SHC4: variants seen among roughly 807,000 people sequenced by gnomAD.
SHC4 encodes the protein SHC adaptor protein 4.
A neutral mutation model predicts 69.4 loss-of-function variants in SHC4; 41 were observed. That is an observed-to-expected ratio of 0.59 (90% CI 0.46 to 0.77). SHC4 has a LOEUF of 0.77. SHC4 is among the 30% of genes least tolerant of loss of function. The pLI is 0.00. For missense variants in SHC4, 777 were observed against 783.8 expected, an observed-to-expected ratio of 0.99 and a Z score of 0.10; for synonymous variants, 318 against 299.3, an observed-to-expected ratio of 1.06 and a Z score of -0.64.
intron 2 of SHC4, among the ~76,000 whole-genome samples, chr15:48,892,861 CT>C (rs67195455): frequency 0.081 from 8,912 of 110,128 alleles, 546 homozygotes; most frequent in East Asian, 0.29. Flanking sequence ...AAAACTCCGT[CT>C]CAAAAAAAAA....
intron 4 of SHC4, among the ~76,000 whole-genome samples, chr15:48,880,844 T>A (rs1899925528): frequency 6.6e-6 from 1 of 152,146 alleles, no homozygotes; most frequent in Non-Finnish European, 1.5e-5. Context: ...CAAACCAGAC[T>A]ACTTGGTTAA....
rs555393362 is a variant in SHC4 at position 48,937,550 on chromosome 15, A to G, written c.586-12601T>C. Reference sequence around the variant, plus strand: ...GGGAGACTCATGCCTTGCATATATTATATATAGAAGATAGTACTCTATCAC... The same window carrying G: ...GGGAGACTCATGCCTTGCATATATTGTATATAGAAGATAGTACTCTATCAC... On this transcript the variant is annotated intron_variant, in intron 1 of 11. Coordinates refer to ENST00000332408, the MANE Select transcript of SHC4 (RefSeq NM_203349.4). Among the ~76,000 whole-genome samples the G allele has an allele frequency of 1.1e-4, 16 of 152,184 alleles. No individual in the cohort carries two copies. The South Asian group carries it at 3.1e-3, about 30-fold the overall frequency.
rs1898683757 is a variant in SHC4, at chr15:48,826,137, A to G, written c.1738-11T>C. ...ATCCTTGGTCCTCACCTTGAAAAAG[A>G]AGTACAAATATATTTAGGTTAAATT... On this transcript the variant is annotated splice_polypyrimidine_tract_variant and intron_variant, in intron 11 of 11. Transcript: ENST00000332408. 1 of 1,601,690 alleles carries G rather than the reference A, an allele frequency of 6.2e-7. No individual in the cohort carries two copies. The highest frequency in any genetic ancestry group is 8.5e-7 in the Non-Finnish European group (1 of 1,176,318).
intron 4 of SHC4, among the ~76,000 whole-genome samples, chr15:48,882,830 G>A (rs1899969014): frequency 6.6e-6 from 1 of 152,190 alleles, no homozygotes; most frequent in South Asian, 2.1e-4. Flanking sequence ...ATCTACATAT[G>A]TATTGAAGTC....
At chr15:48,910,534 G>GT (rs963280281) in intron 2 of SHC4, among the ~76,000 whole-genome samples, 6 of 151,550 alleles carry the variant, frequency 4.0e-5, no homozygotes, top group African/African-American at 9.7e-5. Context: ...TTTTGTATTG[G>GT]TTTTTTTGTT....
At chr15:48,938,582 C>T (rs1007370170) in intron 1 of SHC4, among the ~76,000 whole-genome samples, 8 of 152,170 alleles carry the variant, frequency 5.3e-5, no homozygotes, top group Non-Finnish European at 7.3e-5. Context: ...GCACCTGATT[C>T]GGCCAATGAT....
At chr15:48,859,757 T>G (rs531342334) in intron 6 of SHC4, among the ~76,000 whole-genome samples, 2 of 152,332 alleles carry the variant, frequency 1.3e-5, no homozygotes, top group Admixed American at 6.5e-5. Context: ...CTAGGTGATA[T>G]AAATTATTTC....
At chr15:48,960,497 G>A (rs1901528376) in intron 1 of SHC4, among the ~76,000 whole-genome samples, 2 of 152,302 alleles carry the variant, frequency 1.3e-5, no homozygotes, top group East Asian at 3.9e-4. Context: ...GTGGGTGAGG[G>A]CGAGAGCTGC....
intron 11 of SHC4, among the ~76,000 whole-genome samples, chr15:48,830,438 A>T (rs895533389): frequency 6.6e-6 from 1 of 152,230 alleles, no homozygotes; most frequent in African/African-American, 2.4e-5. Context: ...TTTGGTTAAC[A>T]ACAGACTGCA....
At chr15:48,858,000 A>T (rs1362510779) in intron 6 of SHC4, among the ~76,000 whole-genome samples, 185 bp from the exon 7 acceptor site, 1 of 152,228 alleles carries the variant, frequency 6.6e-6, no homozygotes, top group African/African-American at 2.4e-5. Flanking sequence ...AAGAGAAGAA[A>T]GATTCAAATT....
At chr15:48,876,527 G>C in intron 4 of SHC4, 1 of 622,118 alleles carries the variant, frequency 1.6e-6, no homozygotes, top group Non-Finnish European at 2.9e-6. Flanking sequence ...GTAAAGGGGA[G>C]TTCACTAAGT....
Position 48,889,179 on chromosome 15 carries a change from G to A in SHC4, c.720+1569C>T, listed in dbSNP as rs1203917349. Among the ~76,000 whole-genome samples the A allele has an allele frequency of 2.0e-5, 3 of 152,180 alleles. No homozygotes were observed. In the East Asian group the frequency reaches 5.8e-4, roughly 29 times the overall value. On this transcript the variant is annotated intron_variant, in intron 3 of 11. Transcript: ENST00000332408. ...GCCTGGTAGCTGGAATCATCCAGTT[G>A]AAGCATCCTAATCAGAAATTATGAG...
At chr15:48,901,723 G>A (rs1217245104) in intron 2 of SHC4, among the ~76,000 whole-genome samples, 1 of 152,188 alleles carries the variant, frequency 6.6e-6, no homozygotes, top group Admixed American at 6.5e-5. Context: ...AGACTCTGCA[G>A]TTAGCCAGAG....
intron 2 of SHC4, among the ~76,000 whole-genome samples, chr15:48,904,915 C>T (rs946505750): frequency 1.6e-4 from 23 of 145,040 alleles, no homozygotes; most frequent in African/African-American, 4.4e-4. Context: ...ACGACACACA[C>T]GCACACACAC....
intron 3 of SHC4, 29 bp from the exon 4 acceptor site, chr15:48,884,396 C>A (rs372545181): frequency 1.9e-6 from 3 of 1,552,670 alleles, no homozygotes; most frequent in Non-Finnish European, 1.7e-6. Context: ...AAAAACAAAA[C>A]ACTGTTAGGA....
chr15:48,889,266 G>T (rs1900090721), intron 3 of SHC4, among the ~76,000 whole-genome samples: 1 of 152,202 alleles, frequency 6.6e-6, no homozygotes, highest in Non-Finnish European at 1.5e-5. Flanking sequence ...ACTAGTCAAA[G>T]GGAGTCCTTG....
intron 1 of SHC4, among the ~76,000 whole-genome samples, chr15:48,956,292 T>C (rs1901452618): frequency 6.6e-6 from 1 of 152,178 alleles, no homozygotes; most frequent in Non-Finnish European, 1.5e-5. Flanking sequence ...TGTGGGTACC[T>C]GAGCGACCCA....
At chr15:48,951,781 G>A (rs1337779015) in intron 1 of SHC4, among the ~76,000 whole-genome samples, 1 of 152,150 alleles carries the variant, frequency 6.6e-6, no homozygotes, top group East Asian at 1.9e-4. Flanking sequence ...CAAATGGAAG[G>A]TGTGCCCTTT....
chr15:48,923,928 A>T (rs1047520039), intron 2 of SHC4, among the ~76,000 whole-genome samples: 1 of 152,156 alleles, frequency 6.6e-6, no homozygotes, highest in Admixed American at 6.5e-5. Flanking sequence ...AGCGTGAGCC[A>T]CTGCACCAGG....
Sources: allele counts gnomAD v4.1 joint callset (sites outside exome capture counted in the v4.1 genomes callset), GRCh38; gene constraint gnomAD v4.1.1; transcripts MANE v1.5; gene names NCBI Gene and HGNC (gene_info 2026-07-23, HGNC 2026-07-21).